Variants in AP3M1 observed in about 807,000 individuals in gnomAD.
AP3M1 encodes the protein AP-3 complex subunit mu-1.
Under a neutral mutation model 42.6 loss-of-function variants are expected in AP3M1, and 29 were observed. The ratio of observed to expected loss-of-function variants is 0.68; its 90% CI spans 0.51 to 0.93. AP3M1 has a LOEUF of 0.93. Ranked by LOEUF, AP3M1 falls within the 40% of genes least tolerant of loss-of-function variation. The probability of loss-of-function intolerance (pLI) is 0.00; values close to 1 mark genes in which losing one functional copy is unlikely to be tolerated. For missense variants in AP3M1, 416 were observed against 510.2 expected (o/e 0.82, Z 1.78); for synonymous variants, 178 against 175.3 (o/e 1.02, Z -0.12).
intron 1 of AP3M1, among the ~76,000 whole-genome samples, chr10:74,143,986 G>A (rs1186896590): frequency 6.6e-6 from 1 of 152,096 alleles, no homozygotes; most frequent in Non-Finnish European, 1.5e-5. Flanking sequence ...TTTTGAGACG[G>A]AGTCTTGCTC....
At position 74,134,058 on chromosome 10, in the gene AP3M1, A is replaced by G; in HGVS notation, c.552T>C (p.Val184=). 5 of 1,614,162 alleles carry G rather than the reference A, an allele frequency of 3.1e-6. No individual in the cohort carries two copies. The highest frequency in any genetic ancestry group is 4.2e-6 in the Non-Finnish European group (5 of 1,180,022). ...TATCTATAATTGCGTCTATTTCTTC[A>G]ACAACATCAAAATAGGCTTCATTGT... ...YTNNEAYFDV[V]EEIDAIIDKS... is the part of the protein sequence containing the mutation. Residue 184 remains valine, a synonymous_variant, in exon 4 of 9, where the codon GTT becomes GTC. Transcript: ENST00000355264.
rs145229892 is a variant in AP3M1, at chr10:74,148,787, C to A, written c.-4+1968G>T. ...GCCCAGGCTGATTTCCAGCTCCTGG[C>A]CTCAAGTGATTTTCCCGCCTCACCC... is the stretch of plus-strand genomic sequence containing the variant. On this transcript the variant is annotated intron_variant, in intron 1 of 8. Transcript: ENST00000355264. 4.6e-3 allele frequency among the ~76,000 whole-genome samples: 695 copies of A among 152,204 alleles called. 6 individuals carry two copies. The highest frequency in any genetic ancestry group is 0.015 in the African/African-American group (634 of 41,528).
At chr10:74,137,547 C>T (rs1003653127) in intron 2 of AP3M1, among the ~76,000 whole-genome samples, 6 of 152,094 alleles carry the variant, frequency 3.9e-5, no homozygotes, top group Non-Finnish European at 7.4e-5. Flanking sequence ...GAACTGTATG[C>T]GGAGGGCATT....
At position 74,138,338 on chromosome 10, in the gene AP3M1, T is replaced by C; in HGVS notation, c.42A>G (p.Ile14Met). Residue 14 changes from isoleucine to methionine, a missense_variant, in exon 2 of 9, where the codon ATA (isoleucine) becomes ATG (methionine). Transcript: ENST00000355264. ...SLFLINCSGD[I>M]FLEKHWKSVV... ...CGCTCTTCCAGTGCTTCTCTAGAAA[T>C]ATGTCACCGGAACAGTTTATGAGAA... The C allele has an allele frequency of 6.2e-7, 1 of 1,614,140 alleles. No homozygotes were observed. The highest frequency in any genetic ancestry group is 8.5e-7 in the Non-Finnish European group (1 of 1,180,016).
In AP3M1 at chr10:74,129,707, A is replaced by G. The variant is rs115272045; in HGVS notation, c.669+200T>C. Among the ~76,000 whole-genome samples, 557 of 152,334 alleles carry G rather than the reference A, an allele frequency of 3.7e-3. 4 individuals are homozygous for G. The highest frequency in any genetic ancestry group is 0.013 in the African/African-American group (527 of 41,582). On this transcript the variant is annotated intron_variant, in intron 5 of 8. Coordinates refer to ENST00000355264, the MANE Select transcript of AP3M1 (RefSeq NM_012095.6). ...ATTTTAAGCCCCTTCTAGCACACTCAGGCAAAGACCTCCCTTAGTCTTTCC... is the reference window on the plus strand; with the variant it reads ...ATTTTAAGCCCCTTCTAGCACACTCGGGCAAAGACCTCCCTTAGTCTTTCC...
At chr10:74,136,422 A>G (rs1840945126) in intron 3 of AP3M1, among the ~76,000 whole-genome samples, 1 of 152,168 alleles carries the variant, frequency 6.6e-6, no homozygotes, top group Non-Finnish European at 1.5e-5. Context: ...TTAGAAAAAA[A>G]AAAAGAGTAA....
At chr10:74,132,912 C>A (rs1205080563) in intron 4 of AP3M1, among the ~76,000 whole-genome samples, 2 of 152,104 alleles carry the variant, frequency 1.3e-5, no homozygotes, top group Non-Finnish European at 2.9e-5. Context: ...GTTTGGCAGA[C>A]CTCAACTAGT....
At chr10:74,129,265 C>G (rs781728113) in intron 5 of AP3M1, 24 bp from the exon 6 acceptor site, 4 of 1,611,426 alleles carry the variant, frequency 2.5e-6, no homozygotes, top group Non-Finnish European at 3.4e-6. Flanking sequence ...AGAAGACAGT[C>G]GTTCATAGAC....
Position 74,123,083 on chromosome 10 carries a change from A to G in AP3M1, c.*727T>C, listed in dbSNP as rs896038302. On this transcript the variant is annotated 3_prime_UTR_variant, in exon 9 of 9. Transcript: ENST00000355264. ...AGCATTTGCCCCTTTGATACAAATG[A>G]TTTTTTTACTGTGCTAACAGCTGAA... is the stretch of plus-strand genomic sequence containing the variant. 1 of 152,600 alleles carries G rather than the reference A, an allele frequency of 6.6e-6. No individual in the cohort carries two copies. Among genetic ancestry groups the G allele is most frequent in the Non-Finnish European group, 1.5e-5 (1 of 68,034 alleles). 9.5% of individuals were successfully genotyped at this position (152,600 alleles called of 1,614,324 possible). A position where few individuals can be genotyped will look rare whatever the true frequency, so the allele number is the denominator to read the frequency against.
intron 2 of AP3M1, 111 bp downstream of exon 2, chr10:74,137,996 G>A: frequency 3.5e-6 from 4 of 1,147,642 alleles, no homozygotes; most frequent in Non-Finnish European, 4.8e-6. Context: ...CGCTTAAACA[G>A]AGAGAGACAG....
chr10:74,128,957 T>G, intron 6 of AP3M1, 151 bp downstream of exon 6: 1 of 828,676 alleles, frequency 1.2e-6, no homozygotes, highest in Non-Finnish European at 1.9e-6. Context: ...TTTAGGTGCG[T>G]ATTTTCACCC....
At chr10:74,127,601 G>C (rs1356298287) in intron 6 of AP3M1, among the ~76,000 whole-genome samples, 1 of 151,958 alleles carries the variant, frequency 6.6e-6, no homozygotes, top group African/African-American at 2.4e-5. Context: ...AGAGGTTGCA[G>C]TGAGCCAAGA....
Position 74,121,667 on chromosome 10 carries a change from A to G in AP3M1, c.*2143T>C, listed in dbSNP as rs1389185142. 6.6e-6 allele frequency: 1 copy of G among 152,238 alleles called. No homozygotes were observed. Among genetic ancestry groups the G allele is most frequent in the Non-Finnish European group, 1.5e-5 (1 of 68,050 alleles). The allele number at this position is 152,238 out of a possible 1,614,324, so 9.4% of individuals were successfully genotyped here. A position where few individuals can be genotyped will look rare whatever the true frequency, so the allele number is the denominator to read the frequency against. On this transcript the variant is annotated 3_prime_UTR_variant, in exon 9 of 9. Coordinates refer to ENST00000355264, the MANE Select transcript of AP3M1 (RefSeq NM_012095.6). ...AGCAACACTCGCAGCTTGTGTGATG[A>G]TGCAGAAGAAAATCTGATCATGTTC...
intron 2 of AP3M1, among the ~76,000 whole-genome samples, chr10:74,137,865 T>C (rs927240110): frequency 2.0e-5 from 3 of 152,210 alleles, no homozygotes; most frequent in Non-Finnish European, 4.4e-5. Flanking sequence ...TGGGTGACTT[T>C]ATGGATGCAG....
chr10:74,139,508 G>A (rs551176491), intron 1 of AP3M1, among the ~76,000 whole-genome samples: 10 of 151,692 alleles, frequency 6.6e-5, no homozygotes, highest in South Asian at 4.2e-4. Context: ...CAGGCCGGGC[G>A]TGGTGGCTCA....
intron 6 of AP3M1, 197 bp downstream of exon 6, chr10:74,128,911 C>T: frequency 1.8e-6 from 1 of 558,948 alleles, no homozygotes; most frequent in Admixed American, 3.4e-5. Context: ...CACTTAGTAC[C>T]ACTCTACACT....
At chr10:74,139,838 C>T (rs1159926960) in intron 1 of AP3M1, among the ~76,000 whole-genome samples, 13 of 143,340 alleles carry the variant, frequency 9.1e-5, no homozygotes, top group African/African-American at 3.4e-4. Flanking sequence ...ACCCGGGAGG[C>T]GGAGGTTGCA....
chr10:74,125,258 C>T (rs143421075), intron 7 of AP3M1, among the ~76,000 whole-genome samples: 395 of 152,332 alleles, frequency 2.6e-3, no homozygotes, highest in African/African-American at 8.9e-3. Flanking sequence ...GGATTACAGG[C>T]GTAAGCCACT....
At chr10:74,129,308 T>C in intron 5 of AP3M1, 67 bp from the exon 6 acceptor site, 1 of 1,520,520 alleles carries the variant, frequency 6.6e-7, no homozygotes, top group East Asian at 2.3e-5. Flanking sequence ...CTCAGATACC[T>C]TGACAAATAT....
Sources: gnomAD v4.1 joint callset for allele counts (sites outside exome capture counted in the v4.1 genomes callset) on GRCh38, gnomAD v4.1.1 for gene constraint, MANE v1.5 for transcripts, NCBI Gene and HGNC (gene_info 2026-07-23, HGNC 2026-07-21) for gene names.